The following GRM8 variants were observed in gnomAD, a reference collection of about 807,000 sequenced individuals.
GRM8 encodes metabotropic glutamate receptor 8.
A neutral mutation model predicts 87.2 loss-of-function variants in GRM8; 47 were observed. The observed-to-expected ratio is 0.54, with a 90% confidence interval of 0.43 to 0.69. The LOEUF is 0.69. Among genes scored for constraint, GRM8 ranks in the 30% least tolerant of loss-of-function variants. The pLI, the probability that GRM8 is intolerant of heterozygous loss-of-function variation, is 0.00. For synonymous variants in GRM8, 396 were observed against 404.5 expected (o/e 0.98, Z 0.25); for missense variants, 1,019 against 1,139.2 (o/e 0.89, Z 1.52).
At chr7:126,893,887 T>C (rs142598105) in intron 6 of GRM8, among the ~76,000 whole-genome samples, 116 of 152,152 alleles carry the variant, frequency 7.6e-4, no homozygotes, top group African/African-American at 2.3e-3. Flanking sequence ...TGCCCTACTG[T>C]ATCCAATCCT....
At chr7:127,119,573 A>G (rs1826911686) in intron 2 of GRM8, among the ~76,000 whole-genome samples, 1 of 152,038 alleles carries the variant, frequency 6.6e-6, no homozygotes, top group African/African-American at 2.4e-5. Context: ...AAGGTAGAAG[A>G]TGACTGAAAG....
intron 3 of GRM8, among the ~76,000 whole-genome samples, chr7:126,999,609 C>T (rs1201341016): frequency 6.6e-6 from 1 of 151,644 alleles, no homozygotes; most frequent in Non-Finnish European, 1.5e-5. Flanking sequence ...CAAAAGAAGA[C>T]AAATGGCAGA....
intron 9 of GRM8, among the ~76,000 whole-genome samples, chr7:126,519,723 C>T (rs1368993636): frequency 6.6e-6 from 1 of 152,066 alleles, no homozygotes; most frequent in East Asian, 1.9e-4. Flanking sequence ...AAGTGTTGTG[C>T]AAGAACTTTA....
intron 6 of GRM8, among the ~76,000 whole-genome samples, chr7:126,809,084 T>C (rs1440364597): frequency 6.6e-6 from 1 of 152,208 alleles, no homozygotes; most frequent in Non-Finnish European, 1.5e-5. Flanking sequence ...TTTTATCTTT[T>C]AAAAGCCACC....
At chr7:126,846,011 C>T (rs565802594) in intron 6 of GRM8, among the ~76,000 whole-genome samples, 1 of 152,002 alleles carries the variant, frequency 6.6e-6, no homozygotes, top group African/African-American at 2.4e-5. Context: ...AAATAATTAA[C>T]TCCTATATTT....
intron 2 of GRM8, among the ~76,000 whole-genome samples, chr7:127,161,876 C>A (rs1015962938): frequency 6.6e-6 from 1 of 152,064 alleles, no homozygotes. Context: ...ATTTAAGGAT[C>A]ACTGATTATA....
At chr7:126,592,512 T>A (rs1378297015) in intron 8 of GRM8, among the ~76,000 whole-genome samples, 1 of 151,918 alleles carries the variant, frequency 6.6e-6, no homozygotes, top group African/African-American at 2.4e-5. Context: ...TCACATTAAC[T>A]GAAGGGAGAA....
At chr7:126,932,990 T>C (rs1442968194) in intron 3 of GRM8, among the ~76,000 whole-genome samples, 2 of 152,182 alleles carry the variant, frequency 1.3e-5, no homozygotes, top group South Asian at 2.1e-4. Flanking sequence ...AGAGTTCTAG[T>C]GGCTGAAACC....
intron 9 of GRM8, among the ~76,000 whole-genome samples, chr7:126,474,200 G>A (rs1041614537): frequency 2.0e-5 from 3 of 152,002 alleles, no homozygotes; most frequent in African/African-American, 7.2e-5. Context: ...ATTTGCAAAG[G>A]AGGTATTTGA....
intron 7 of GRM8, among the ~76,000 whole-genome samples, chr7:126,716,689 G>C (rs1230324721): frequency 6.6e-6 from 1 of 152,104 alleles, no homozygotes. Context: ...CAAGAGCCAA[G>C]GACTTTCATT....
At chr7:126,716,939 G>GA (rs932568188) in intron 7 of GRM8, among the ~76,000 whole-genome samples, 3 of 151,990 alleles carry the variant, frequency 2.0e-5, no homozygotes, top group Non-Finnish European at 4.4e-5. Flanking sequence ...AAGAGGAGCA[G>GA]AAAAAAGATA....
At chr7:126,956,659 C>G (rs1300998716) in intron 3 of GRM8, among the ~76,000 whole-genome samples, 1 of 152,114 alleles carries the variant, frequency 6.6e-6, no homozygotes, top group Non-Finnish European at 1.5e-5. Context: ...GAAGAGAGAA[C>G]TGAAGAGGCT....
chr7:127,210,474 G>A (rs1271390825), intron 2 of GRM8, among the ~76,000 whole-genome samples: 1 of 152,156 alleles, frequency 6.6e-6, no homozygotes, highest in Non-Finnish European at 1.5e-5. Flanking sequence ...AGTAGCCTCT[G>A]GCCCATTCAA....
At chr7:126,734,250 C>T (rs566725949) in intron 7 of GRM8, among the ~76,000 whole-genome samples, 5 of 151,892 alleles carry the variant, frequency 3.3e-5, no homozygotes, top group South Asian at 4.2e-4. Context: ...TTATCCTATT[C>T]CTAAAAAAAT....
intron 6 of GRM8, among the ~76,000 whole-genome samples, chr7:126,840,484 C>A (rs1796173937): frequency 6.6e-6 from 1 of 152,112 alleles, no homozygotes; most frequent in Admixed American, 6.5e-5. Context: ...TTTATTGCTA[C>A]TTTCAAGCAT....
chr7:127,102,143 A>AATGTGGCCTGGCTGCTTTTAATAACCT (rs1311752577), intron 3 of GRM8, among the ~76,000 whole-genome samples: 4 of 152,216 alleles, frequency 2.6e-5, no homozygotes, highest in African/African-American at 9.7e-5. Context: ...AAGCATTCAA[A>AATGTGGCCTGGCTGCTTTTAATAACCT]ATGTGGCCTG....
chr7:126,498,760 G>T (rs986243859), intron 9 of GRM8, among the ~76,000 whole-genome samples: 10 of 151,948 alleles, frequency 6.6e-5, no homozygotes, highest in African/African-American at 2.4e-4. Context: ...ACCTGTAAAA[G>T]ACAAGCTCTA....
At chr7:127,025,618 T>C (rs1477616423) in intron 3 of GRM8, among the ~76,000 whole-genome samples, 5 of 152,132 alleles carry the variant, frequency 3.3e-5, no homozygotes, top group Non-Finnish European at 5.9e-5. Context: ...CAAACATTTC[T>C]TGGAGTTTCC....
chr7:126,814,717 A>G (rs1355597373), intron 6 of GRM8, among the ~76,000 whole-genome samples: 1 of 149,526 alleles, frequency 6.7e-6, no homozygotes, highest in African/African-American at 2.5e-5. Context: ...TTTTTTGTCT[A>G]TTATAATTAA....
Sources: gnomAD v4.1 joint callset for allele counts (sites outside exome capture counted in the v4.1 genomes callset) on GRCh38, gnomAD v4.1.1 for gene constraint, MANE v1.5 for transcripts, NCBI Gene and HGNC (gene_info 2026-07-23, HGNC 2026-07-21) for gene names.